The following KRT7 variants were observed in gnomAD, a reference collection of about 807,000 sequenced individuals.
The protein encoded by KRT7 is keratin, type II cytoskeletal 7.
Under a neutral mutation model 42.8 loss-of-function variants are expected in KRT7, and 50 were observed. The observed-to-expected ratio is 1.17, with a 90% CI of 0.93 to 1.48. The LOEUF is 1.48. KRT7 is among the 40% of genes most tolerant of loss of function. KRT7 has a pLI of 0.00. For missense variants in KRT7, 588 were observed against 637.6 expected, an observed-to-expected ratio of 0.92 and a Z score of 0.84; for synonymous variants, 268 against 266.3, an observed-to-expected ratio of 1.01 and a Z score of -0.06.
chr12:52,250,535 C>CG, downstream of KRT7: 1 of 1,035,256 alleles, frequency 9.7e-7, no homozygotes, highest in Non-Finnish European at 1.4e-6. Flanking sequence ...CGGTGCTCAC[C>CG]GCCACGTTCC....
chr12:52,234,107 G>GCA (rs1565715492), intron 1 of KRT7, among the ~76,000 whole-genome samples: 1 of 134,274 alleles, frequency 7.4e-6, no homozygotes, highest in African/African-American at 2.9e-5. Context: ...AGATTAGAGC[G>GCA]GCAGTCGGTG....
At chr12:52,253,749 T>A, downstream of KRT7, 3 of 1,040,588 alleles carry the variant, frequency 2.9e-6, no homozygotes, top group Non-Finnish European at 4.2e-6. Context: ...GATGTGCGAC[T>A]GGAGAACGCG....
intron 3 of KRT7, 60 bp from the exon 4 acceptor site, chr12:52,238,620 T>A: frequency 9.6e-7 from 1 of 1,043,930 alleles, no homozygotes; most frequent in Non-Finnish European, 1.5e-6. Context: ...CCACCCCTAC[T>A]AAATGTTCCC....
chr12:52,239,771 C>T (rs932578667), intron 4 of KRT7, among the ~76,000 whole-genome samples: 4 of 152,188 alleles, frequency 2.6e-5, no homozygotes, highest in African/African-American at 9.6e-5. Flanking sequence ...TGGGTAGCTG[C>T]CTGCCAACTC....
intron 1 of KRT7, among the ~76,000 whole-genome samples, chr12:52,234,743 AG>A (rs745770803): frequency 2.6e-5 from 4 of 152,168 alleles, no homozygotes; most frequent in Non-Finnish European, 5.9e-5. Flanking sequence ...TGCTGGAGAA[AG>A]GGGAAGGAGA....
intron 3 of KRT7, 78 bp from the exon 4 acceptor site, chr12:52,238,602 G>C: frequency 1.1e-6 from 1 of 876,044 alleles, no homozygotes; most frequent in Non-Finnish European, 2.0e-6. Context: ...GACAGGGCAG[G>C]CCTGCTTCCA....
At chr12:52,239,215 C>G (rs1942050859) in intron 4 of KRT7, among the ~76,000 whole-genome samples, 1 of 152,108 alleles carries the variant, frequency 6.6e-6, no homozygotes, top group Non-Finnish European at 1.5e-5. Flanking sequence ...AAGTATTTGA[C>G]TTATGACCTA....
At chr12:52,237,075 C>A (rs565809977) in intron 2 of KRT7, among the ~76,000 whole-genome samples, 1 of 152,332 alleles carries the variant, frequency 6.6e-6, no homozygotes, top group African/African-American at 2.4e-5. Context: ...GTGACCTGGG[C>A]AGATTACGCT....
chr12:52,246,656 T>C (rs1035666681), intron 7 of KRT7, among the ~76,000 whole-genome samples: 1 of 152,148 alleles, frequency 6.6e-6, no homozygotes, highest in Admixed American at 6.5e-5. Flanking sequence ...ACCCGCCTTC[T>C]CCCTGGGTTA....
Position 52,235,180 on chromosome 12 carries a change from A to G in KRT7, c.350A>G (p.Lys117Arg). 6.2e-7 allele frequency: 1 copy of G among 1,614,108 alleles called. No individual in the cohort carries two copies. The highest frequency in any genetic ancestry group is 8.5e-7 in the Non-Finnish European group (1 of 1,179,972). Residue 117 changes from lysine (K) to arginine (R), a missense_variant, in exon 2 of 9, where the codon AAG becomes AGG. Transcript: ENST00000331817. ...DKVRFLEQQNKLLETKWTLLQ... is the reference protein window; with the variant it reads ...DKVRFLEQQNRLLETKWTLLQ... The stretch of plus-strand genomic sequence containing the variant: ...GTGCGGTTTCTGGAGCAGCAGAACA[A>G]GCTGCTGGAGACCAAGTGGACGCTG...
Position 52,233,265 on chromosome 12 carries a change from C to T in KRT7, c.-32C>T, listed in dbSNP as rs781375712. On this transcript the variant is annotated 5_prime_UTR_variant, in exon 1 of 9. Transcript: ENST00000331817. ...GTCAGCGAGTGCGCGCTCCTCCTCG[C>T]CCGCCGCTAGGTCCATCCCGGCCCA... 6 of 1,480,850 alleles carry T rather than the reference C, an allele frequency of 4.1e-6. No homozygotes were observed. Among genetic ancestry groups the T allele is most frequent in the East Asian group, 5.5e-5 (2 of 36,418 alleles). 91.7% of individuals were successfully genotyped at this position (1,480,850 alleles called of 1,614,324 possible). A position where few individuals can be genotyped will look rare whatever the true frequency, so the allele number is the denominator to read the frequency against.
Position 52,248,190 on chromosome 12 carries a change from G to T in KRT7, c.1219G>T (p.Gly407Ter). Residue 407 changes from glycine to a stop codon, truncating the protein, a stop_gained, in exon 8 of 9, where the codon GGA becomes TGA. Coordinates refer to ENST00000331817, the MANE Select transcript of KRT7 (RefSeq NM_005556.4). LOFTEE classifies it low-confidence loss of function (END_TRUNC). ...CTCTGCCCCCAGGTTGGCTGGAGAT[G>T]GAGTGGGAGCCGTGAATATCTGTAA... ...EGEESRLAGDGVGAVNISVMN... is the reference protein window; with the variant it reads ...EGEESRLAGD 2 of 1,614,120 alleles carry T rather than the reference G, an allele frequency of 1.2e-6. No individual in the cohort carries two copies. Among genetic ancestry groups the T allele is most frequent in the Non-Finnish European group, 1.7e-6 (2 of 1,180,006 alleles).
chr12:52,245,871 G>T, intron 7 of KRT7: 1 of 571,778 alleles, frequency 1.7e-6, no homozygotes, highest in Non-Finnish European at 3.1e-6. Flanking sequence ...CAGTCCCTTT[G>T]TGTGTGCGGC....
chr12:52,247,044 C>T (rs1312085764), intron 7 of KRT7: 2 of 152,158 alleles, frequency 1.3e-5, no homozygotes, highest in African/African-American at 4.8e-5. Context: ...ATATGGTTCC[C>T]CCAACCCTGG....
At position 52,233,437 on chromosome 12, in the gene KRT7, G is replaced by C; in HGVS notation, c.141G>C (p.Pro47=). Reference sequence around the variant, plus strand: ...TCTACGGCCTCGGCGCCTCACGGCCGCGCGTGGCCGTGCGCTCTGCCTATG... The same window carrying C: ...TCTACGGCCTCGGCGCCTCACGGCCCCGCGTGGCCGTGCGCTCTGCCTATG... ...SSLYGLGASR[P]RVAVRSAYGG... is the part of the protein sequence containing the mutation. The change falls in exon 1 of 9, where the codon CCG becomes CCC. Residue 47 remains proline (P), a synonymous_variant. Transcript: ENST00000331817. The C allele has an allele frequency of 6.4e-7, 1 of 1,564,442 alleles. No individual in the cohort carries two copies.
chr12:52,245,637 G>A lies in KRT7; in HGVS notation c.1205+5G>A, dbSNP rs1942157837. 6.2e-7 allele frequency: 1 copy of A among 1,613,258 alleles called. No individual in the cohort carries two copies. The highest frequency in any genetic ancestry group is 2.2e-5 in the East Asian group (1 of 44,880). On this transcript the variant is annotated splice_donor_5th_base_variant and intron_variant, in intron 7 of 8. Coordinates refer to ENST00000331817, the MANE Select transcript of KRT7 (RefSeq NM_005556.4). ...GCTGGAGGGCGAGGAGAGCCGGTGAGGACAAGGAACCTGGAAAGGGGATGC... is the reference window on the plus strand; with the variant it reads ...GCTGGAGGGCGAGGAGAGCCGGTGAAGACAAGGAACCTGGAAAGGGGATGC...
downstream of KRT7, chr12:52,255,423 C>A (rs555907763): frequency 6.6e-6 from 3 of 456,602 alleles, no homozygotes; most frequent in Non-Finnish European, 1.3e-5. Context: ...GGGGACAAAA[C>A]ACACAAGGCT....
At chr12:52,251,968 A>T, downstream of KRT7, 2 of 592,914 alleles carry the variant, frequency 3.4e-6, no homozygotes, top group Non-Finnish European at 6.3e-6. Context: ...TCTAAGAAAA[A>T]GTTTGCCTGC....
downstream of KRT7, chr12:52,253,388 T>C: frequency 6.2e-7 from 1 of 1,600,782 alleles, no homozygotes. Context: ...CTCCCATCCA[T>C]TCAGGACACC....
Sources: allele counts gnomAD v4.1 joint callset (sites outside exome capture counted in the v4.1 genomes callset), GRCh38; gene constraint gnomAD v4.1.1; transcripts MANE v1.5; gene names NCBI Gene and HGNC (gene_info 2026-07-23, HGNC 2026-07-21).